DHX34: variants seen among roughly 807,000 people sequenced by gnomAD.
DHX34 encodes DExH-box helicase 34.
A neutral mutation model predicts 111.1 loss-of-function variants in DHX34; 96 were observed. That is an observed-to-expected ratio of 0.86 (90% CI 0.73 to 1.02). DHX34 has a LOEUF of 1.02. Among genes scored for constraint, DHX34 ranks in the 50% least tolerant of loss-of-function variants. The probability of loss-of-function intolerance (pLI) is 0.00; values close to 1 mark genes in which losing one functional copy is unlikely to be tolerated. For missense variants in DHX34, 1,560 were observed against 1,579.9 expected, an observed-to-expected ratio of 0.99 and a Z score of 0.21; for synonymous variants, 688 against 670.4, an observed-to-expected ratio of 1.03 and a Z score of -0.41.
At chr19:47,378,278 T>C (rs1012086366) in intron 13 of DHX34, among the ~76,000 whole-genome samples, 2 of 151,508 alleles carry the variant, frequency 1.3e-5, no homozygotes, top group African/African-American at 4.9e-5. Flanking sequence ...CGAGCCCGTC[T>C]GGTGGGCCAG....
Position 47,354,867 on chromosome 19 carries a change from G to A in DHX34, c.706-172G>A, listed in dbSNP as rs186620430. 122 of 724,528 alleles carry A rather than the reference G, an allele frequency of 1.7e-4. 2 individuals carry two copies. The East Asian group carries it at 0.011, about 67-fold the overall frequency. The allele number at this position is 724,528 out of a possible 1,614,324, so 44.9% of individuals were successfully genotyped here. ...TGGGGTTTCTCTATGTTAGTCAGGC[G>A]GATCTCGAACTCCCTACCTCAGGTG... is the stretch of plus-strand genomic sequence containing the variant. On this transcript the variant is annotated intron_variant, in intron 2 of 16. Transcript: ENST00000328771.
In DHX34 at chr19:47,372,843, T is replaced by C; in HGVS notation, c.1882T>C (p.Cys628Arg). The change falls in exon 8 of 17, where the codon TGC becomes CGC. Residue 628 changes from cysteine (C) to arginine (R), a missense_variant. Cys to Arg is a radical substitution (Grantham distance 180, BLOSUM62 -3). Transcript: ENST00000328771. ...CCGCAGCGCCCAGAGCAGCCCAGAGTGCGCGGCAGCACGGCGGCCGCTGGA... is the reference window on the plus strand; with the variant it reads ...CCGCAGCGCCCAGAGCAGCCCAGAGCGCGCGGCAGCACGGCGGCCGCTGGA... ...FTRSAQSSPE[C>R]AAARRPLESD... The C allele has an allele frequency of 5.6e-6, 9 of 1,612,068 alleles. No homozygotes were observed. Among genetic ancestry groups the C allele is most frequent in the East Asian group, 4.5e-5 (2 of 44,866 alleles).
At chr19:47,381,404 C>T in intron 16 of DHX34, 80 bp downstream of exon 16, 1 of 1,541,692 alleles carries the variant, frequency 6.5e-7, no homozygotes, top group Non-Finnish European at 8.8e-7. Context: ...TGCGTGTGAG[C>T]ACTTGCTAGA....
intron 9 of DHX34, among the ~76,000 whole-genome samples, chr19:47,374,714 C>T (rs553263883): frequency 9.8e-4 from 149 of 152,246 alleles, no homozygotes; most frequent in African/African-American, 3.2e-3. Context: ...ACAGATGCCC[C>T]GATTGCTCTG....
chr19:47,375,414 A>G, intron 9 of DHX34, 52 bp from the exon 10 acceptor site: 1 of 1,517,384 alleles, frequency 6.6e-7, no homozygotes. Flanking sequence ...CCATGAGTCC[A>G]GAGCCCACTG....
intron 4 of DHX34, among the ~76,000 whole-genome samples, chr19:47,358,743 T>A (rs1468847609): frequency 2.0e-5 from 3 of 151,980 alleles, no homozygotes; most frequent in African/African-American, 7.3e-5. Flanking sequence ...GCCTCCTGAG[T>A]AGCTGGGACT....
intron 4 of DHX34, among the ~76,000 whole-genome samples, chr19:47,358,435 GTGAGGC>G (rs1049360398): frequency 1.3e-5 from 2 of 151,990 alleles, no homozygotes; most frequent in Admixed American, 6.6e-5. Context: ...AACTGAGTGG[GTGAGGC>G]TGTGTTCCAA....
chr19:47,376,410 G>A (rs1201831792), intron 11 of DHX34, 33 bp from the exon 12 acceptor site: 2 of 1,597,544 alleles, frequency 1.3e-6, no homozygotes, highest in South Asian at 1.1e-5. Context: ...AGAGCAGATA[G>A]GAGGGCTTGT....
chr19:47,360,878 G>A (rs986714703), intron 5 of DHX34, among the ~76,000 whole-genome samples: 1 of 151,950 alleles, frequency 6.6e-6, no homozygotes, highest in Non-Finnish European at 1.5e-5. Context: ...CACCATGTTG[G>A]CCAGGCTGGT....
chr19:47,359,950 C>A lies in DHX34; in HGVS notation c.1273-18C>A. The A allele has an allele frequency of 6.2e-7, 1 of 1,613,972 alleles. No individual in the cohort carries two copies. Among genetic ancestry groups the A allele is most frequent in the Non-Finnish European group, 8.5e-7 (1 of 1,179,924 alleles). On this transcript the variant is annotated intron_variant, in intron 4 of 16. Coordinates refer to ENST00000328771, the MANE Select transcript of DHX34 (RefSeq NM_014681.6). ...GGGCTGAGTTAGTTCCTGACACCACCCCCTCCCTTCCTCCCAGGTATTTGA... is the reference window on the plus strand; with the variant it reads ...GGGCTGAGTTAGTTCCTGACACCACACCCTCCCTTCCTCCCAGGTATTTGA...
At position 47,379,463 on chromosome 19, in the gene DHX34, T is replaced by C. The variant is rs764370881; in HGVS notation, c.2707-247T>C. On this transcript the variant is annotated intron_variant, in intron 13 of 16. Coordinates refer to ENST00000328771, the MANE Select transcript of DHX34 (RefSeq NM_014681.6). Reference sequence around the variant, plus strand: ...CCCTGCCTGAGAATGCAGCTGTCTCTCTCCCAGCACGCTCCCATCTGCCGC... The same window carrying C: ...CCCTGCCTGAGAATGCAGCTGTCTCCCTCCCAGCACGCTCCCATCTGCCGC... 6.3e-4 allele frequency: 214 copies of C among 337,262 alleles called. 3 individuals are homozygous for C. Among genetic ancestry groups the C allele is most frequent in the Non-Finnish European group, 2.4e-4 (58 of 238,966 alleles). 20.9% of individuals were successfully genotyped at this position (337,262 alleles called of 1,614,324 possible).
chr19:47,358,117 C>G lies in DHX34; in HGVS notation c.1269C>G (p.Asp423Glu). The G allele has an allele frequency of 6.2e-7, 1 of 1,602,734 alleles. No individual in the cohort carries two copies. ...LHSALSVADQ[D>E]KVFDVAPPGV... is the part of the protein sequence containing the mutation. ...GCGCCCTGTCTGTGGCCGACCAGGA[C>G]AAGGTATCACAGGAAGCCCGAGTGG... The change falls in exon 4 of 17, where the codon GAC becomes GAG. Residue 423 changes from aspartate to glutamate, a missense_variant. By Grantham distance (45) the Asp-to-Glu change is conservative (BLOSUM62 2). Coordinates refer to ENST00000328771, the MANE Select transcript of DHX34 (RefSeq NM_014681.6).
Position 47,378,020 on chromosome 19 carries a change from G to A in DHX34, c.2706+814G>A, listed in dbSNP as rs1970225814. ...TATAGAGGGGACTGAAGCTCAGGCA[G>A]GGGCGGGGATACGTCACCTAAGTCA... On this transcript the variant is annotated intron_variant, in intron 13 of 16. Coordinates refer to ENST00000328771, the MANE Select transcript of DHX34 (RefSeq NM_014681.6). 2.6e-5 allele frequency among the ~76,000 whole-genome samples: 4 copies of A among 152,106 alleles called. No homozygotes were observed. In the South Asian group the frequency reaches 8.3e-4, roughly 32 times the overall value.
intron 7 of DHX34, among the ~76,000 whole-genome samples, chr19:47,368,663 T>C (rs186053454): frequency 3.0e-4 from 43 of 143,640 alleles, no homozygotes; most frequent in South Asian, 1.6e-3. Context: ...CACACACACA[T>C]ACACACACAT....
intron 1 of DHX34, among the ~76,000 whole-genome samples, chr19:47,351,757 C>T (rs1969295190): frequency 1.3e-5 from 2 of 152,178 alleles, no homozygotes; most frequent in South Asian, 4.1e-4. Context: ...GTCCGCTTCT[C>T]AGGCCAATCC....
Position 47,353,715 on chromosome 19 carries a change from C to G in DHX34, c.685C>G (p.Leu229Val). Reference protein sequence around the residue: ...SLAKRVGFESLSQYGSQVGYQ... With the variant: ...SLAKRVGFESVSQYGSQVGYQ... Reference sequence around the variant, plus strand: ...GGCCAAGCGTGTGGGCTTTGAGAGCCTCAGTCAGTATGGCTCACAGGTGAG... The same window carrying G: ...GGCCAAGCGTGTGGGCTTTGAGAGCGTCAGTCAGTATGGCTCACAGGTGAG... The change falls in exon 2 of 17, where the codon CTC (leucine) becomes GTC (valine). Residue 229 changes from leucine to valine, a missense_variant. Physicochemically the swap from Leu to Val is conservative, Grantham distance 32 (BLOSUM62 1). Transcript: ENST00000328771. This position sits in a 1 kb window ranked among gnomAD's most constrained non-coding sequence, Gnocchi z 4.6. 6.2e-7 allele frequency: 1 copy of G among 1,600,584 alleles called. No individual in the cohort carries two copies. The highest frequency in any genetic ancestry group is 8.5e-7 in the Non-Finnish European group (1 of 1,171,688).
chr19:47,368,827 C>G (rs1969883290), intron 7 of DHX34, among the ~76,000 whole-genome samples: 1 of 152,004 alleles, frequency 6.6e-6, no homozygotes, highest in Non-Finnish European at 1.5e-5. Flanking sequence ...AATTCTCCTG[C>G]CTCAGCCTCC....
rs199745820 is a variant in DHX34, at chr19:47,353,166, G to A, written c.136G>A (p.Glu46Lys). ...RRLLEDAFFR[E>K]EDYIRQGSEE... ...CCTCTTGGAAGATGCCTTCTTCCGT[G>A]AAGAGGATTACATCCGTCAGGGTTC... The change falls in exon 2 of 17, where the codon GAA becomes AAA. Residue 46 changes from glutamate to lysine, a missense_variant. By Grantham distance (56) the Glu-to-Lys change is moderately conservative. Transcript: ENST00000328771. The surrounding 1 kb of genome is among the most constrained non-coding windows in gnomAD (Gnocchi z 4.6). 1.2e-6 allele frequency: 2 copies of A among 1,614,160 alleles called. No individual in the cohort carries two copies. Among genetic ancestry groups the A allele is most frequent in the East Asian group, 4.5e-5 (2 of 44,884 alleles).
rs572440690 is a variant in DHX34, at chr19:47,367,185, A to G, written c.1768+30A>G. 4.2e-6 allele frequency: 6 copies of G among 1,424,700 alleles called. No individual in the cohort carries two copies. The Admixed American group carries it at 1.8e-4, about 42-fold the overall frequency. The allele number at this position is 1,424,700 out of a possible 1,614,324, so 88.3% of individuals were successfully genotyped here. On this transcript the variant is annotated intron_variant, in intron 7 of 16. Coordinates refer to ENST00000328771, the MANE Select transcript of DHX34 (RefSeq NM_014681.6). ...GTACCCACCCCCCTCCTGATCACTC[A>G]GGGCCCCAGGAGCGGGTATGGGCAC...
Sources: allele counts gnomAD v4.1 joint callset (sites outside exome capture counted in the v4.1 genomes callset), GRCh38; gene constraint gnomAD v4.1.1; non-coding constraint Gnocchi (gnomAD v3.1); transcripts MANE v1.5; gene names NCBI Gene and HGNC (gene_info 2026-07-23, HGNC 2026-07-21).